The following EPRS1 variants were observed in gnomAD, a reference collection of about 807,000 sequenced individuals.
EPRS1 encodes bifunctional glutamate/proline--tRNA ligase.
A neutral mutation model predicts 188.3 loss-of-function variants in EPRS1; 107 were observed. That is an observed-to-expected ratio of 0.57 (90% confidence interval 0.49 to 0.67). EPRS1 has a LOEUF of 0.67. EPRS1 is among the 30% of genes least tolerant of loss of function. The pLI is 0.00. For synonymous variants in EPRS1, 596 were observed against 593.1 expected, an observed-to-expected ratio of 1.00 and a Z score of -0.07; for missense variants, 1,577 against 1,802.2, an observed-to-expected ratio of 0.88 and a Z score of 2.26.
At chr1:219,986,242 AT>A (rs1661003743) in intron 20 of EPRS1, among the ~76,000 whole-genome samples, 1 of 152,244 alleles carries the variant, frequency 6.6e-6, no homozygotes. Flanking sequence ...GTGGAAACAG[AT>A]AAAAAATTAC....
Position 219,981,417 on chromosome 1 carries a change from T to C in EPRS1, c.3414A>G (p.Arg1138=). Residue 1138 remains arginine, a synonymous_variant, in exon 24 of 32, where the codon AGA becomes AGG. Transcript: ENST00000366923. ...ACTGATTGAGCTTGATGGGCAGGTCTCTGTGTGACTGTACCCATTTTGCAT... is the reference window on the plus strand; with the variant it reads ...ACTGATTGAGCTTGATGGGCAGGTCCCTGTGTGACTGTACCCATTTTGCAT... ...PAYAKWVQSH[R]DLPIKLNQWC... is the part of the protein sequence containing the mutation. The C allele has an allele frequency of 1.2e-6, 2 of 1,609,214 alleles. No individual in the cohort carries two copies. Among genetic ancestry groups the C allele is most frequent in the South Asian group, 1.1e-5 (1 of 90,204 alleles).
chr1:220,026,644 C>T (rs1223934404), intron 6 of EPRS1, among the ~76,000 whole-genome samples: 2 of 151,858 alleles, frequency 1.3e-5, no homozygotes, highest in Non-Finnish European at 2.9e-5. Flanking sequence ...CATTCTCCTA[C>T]CTCAGCCTCC....
intron 2 of EPRS1, among the ~76,000 whole-genome samples, chr1:220,036,957 A>C (rs1662193262): frequency 6.6e-6 from 1 of 152,142 alleles, no homozygotes; most frequent in African/African-American, 2.4e-5. Flanking sequence ...AAAACATAAT[A>C]GCCAAAATTA....
chr1:219,978,939 T>C (rs7548301), intron 27 of EPRS1, among the ~76,000 whole-genome samples: 10,613 of 74,650 alleles, frequency 0.14, 381 homozygotes, highest in African/African-American at 0.16. Flanking sequence ...ATTTTTCATA[T>C]GTGTGTGTAT....
intron 9 of EPRS1, among the ~76,000 whole-genome samples, chr1:220,020,871 T>TATATATATATATATATATG (rs1661865473): frequency 7.6e-6 from 1 of 132,044 alleles, no homozygotes; most frequent in Non-Finnish European, 1.6e-5. Flanking sequence ...TATATATATA[T>TATATATATATATATATATG]TAGTGCATTA....
At chr1:220,022,295 T>C in intron 9 of EPRS1, 52 bp downstream of exon 9, 3 of 1,502,408 alleles carry the variant, frequency 2.0e-6, no homozygotes, top group Non-Finnish European at 2.7e-6. Context: ...TTAAAGAAGA[T>C]CAAAACAAAA....
chr1:220,019,053 C>T lies in EPRS1; in HGVS notation c.1376G>A (p.Arg459His), dbSNP rs779863965. 4.3e-6 allele frequency: 7 copies of T among 1,612,906 alleles called. No individual in the cohort carries two copies. The highest frequency in any genetic ancestry group is 1.6e-4 in the Middle Eastern group (1 of 6,082). Residue 459 changes from arginine to histidine, a missense_variant, in exon 11 of 32, where the codon CGT becomes CAT. Coordinates refer to ENST00000366923, the MANE Select transcript of EPRS1 (RefSeq NM_004446.3). ...TGTCATCCCTCTTCTCAGTACACCA[C>T]GAACCGTAGGAAATCTTGGGTCATC... ...GWDDPRFPTV[R>H]GVLRRGMTVE...
chr1:219,998,645 T>C (rs1661283060), intron 17 of EPRS1, among the ~76,000 whole-genome samples: 1 of 150,290 alleles, frequency 6.7e-6, no homozygotes, highest in African/African-American at 2.5e-5. Context: ...CGGGTTCAAG[T>C]GATTACTGTT....
At chr1:220,003,835 T>C (rs1661407464) in intron 16 of EPRS1, among the ~76,000 whole-genome samples, 1 of 152,218 alleles carries the variant, frequency 6.6e-6, no homozygotes, top group South Asian at 2.1e-4. Flanking sequence ...GTTACTCATA[T>C]GACGAAAAAG....
chr1:220,025,206 C>A lies in EPRS1; in HGVS notation c.676G>T (p.Val226Phe), dbSNP rs772018425. The change falls in exon 7 of 32, where the codon GTT becomes TTT. Residue 226 changes from valine (V) to phenylalanine (F), a missense_variant. Transcript: ENST00000366923. ...KAALLNQHYQ[V>F]NFKGKLIMRF... ...ATGATCAGTTTCCCTTTAAAGTTAA[C>A]CTGGTAGTGCTGGTTCAGAAGAGCA... The A allele has an allele frequency of 1.9e-6, 3 of 1,612,440 alleles. No homozygotes were observed. The highest frequency in any genetic ancestry group is 2.2e-5 in the South Asian group (2 of 90,958).
intron 18 of EPRS1, among the ~76,000 whole-genome samples, chr1:219,990,707 T>C (rs1310104028): frequency 6.6e-6 from 1 of 152,188 alleles, no homozygotes; most frequent in Non-Finnish European, 1.5e-5. Flanking sequence ...TCGAAAGAGA[T>C]GTTTGACTAT....
chr1:220,013,232 A>G (rs1221346144), intron 12 of EPRS1, among the ~76,000 whole-genome samples: 3 of 152,208 alleles, frequency 2.0e-5, no homozygotes, highest in South Asian at 2.1e-4. Flanking sequence ...AATGTCTCCT[A>G]CCACTATCAA....
At chr1:220,036,945 T>C (rs1296722019) in intron 2 of EPRS1, among the ~76,000 whole-genome samples, 1 of 150,386 alleles carries the variant, frequency 6.6e-6, no homozygotes, top group Non-Finnish European at 1.5e-5. Flanking sequence ...ACTCAGATAC[T>C]AAAAACATAA....
chr1:220,005,236 A>T lies in EPRS1; in HGVS notation c.2063+12T>A. Reference sequence around the variant, plus strand: ...AGCATTTTCATTTAGACGTTCAGTTACATTTACTTACCTAACAGGTTCATA... The same window carrying T: ...AGCATTTTCATTTAGACGTTCAGTTTCATTTACTTACCTAACAGGTTCATA... On this transcript the variant is annotated intron_variant, in intron 16 of 31. Coordinates refer to ENST00000366923, the MANE Select transcript of EPRS1 (RefSeq NM_004446.3). 1 of 1,218,946 alleles carries T rather than the reference A, an allele frequency of 8.2e-7. No individual in the cohort carries two copies. Among genetic ancestry groups the T allele is most frequent in the African/African-American group, 1.5e-5 (1 of 65,276 alleles). The allele number at this position is 1,218,946 out of a possible 1,614,324, so 75.5% of individuals were successfully genotyped here.
chr1:219,986,010 T>G (rs1032526948), intron 20 of EPRS1, among the ~76,000 whole-genome samples: 2 of 152,244 alleles, frequency 1.3e-5, no homozygotes, highest in African/African-American at 2.4e-5. Context: ...CATTCTCTTC[T>G]ACCCTGCTAT....
intron 2 of EPRS1, among the ~76,000 whole-genome samples, chr1:220,038,390 C>CTGTTTT (rs1662228579): frequency 9.8e-6 from 1 of 101,590 alleles, no homozygotes; most frequent in African/African-American, 4.2e-5. Context: ...CTCAGTTTAT[C>CTGTTTT]TTTTTTTTTT....
At chr1:219,970,100 G>A (rs1218967522) in intron 30 of EPRS1, among the ~76,000 whole-genome samples, 2 of 152,148 alleles carry the variant, frequency 1.3e-5, no homozygotes, top group African/African-American at 4.8e-5. Flanking sequence ...GGGATTACAG[G>A]TGTGAGCCAC....
chr1:220,041,692 T>A (rs1662298039), intron 1 of EPRS1, among the ~76,000 whole-genome samples: 1 of 151,918 alleles, frequency 6.6e-6, no homozygotes, highest in Non-Finnish European at 1.5e-5. Context: ...AATACAAAAT[T>A]AGCCAGGTGT....
At chr1:220,038,549 C>T (rs1349651000) in intron 2 of EPRS1, among the ~76,000 whole-genome samples, 3 of 151,026 alleles carry the variant, frequency 2.0e-5, no homozygotes, top group Non-Finnish European at 4.4e-5. Flanking sequence ...CTAATTTTTC[C>T]TCTTTTTTTT....
Sources: gnomAD v4.1 joint callset for allele counts (sites outside exome capture counted in the v4.1 genomes callset) on GRCh38, gnomAD v4.1.1 for gene constraint, MANE v1.5 for transcripts, NCBI Gene and HGNC (gene_info 2026-07-23, HGNC 2026-07-21) for gene names.